Variants in AFF3 observed in about 807,000 individuals in gnomAD.
AFF3 encodes AF4/FMR2 family member 3.
A neutral mutation model predicts 129.7 loss-of-function variants in AFF3; 32 were observed. The ratio of observed to expected loss-of-function variants is 0.25; its 90% CI spans 0.19 to 0.33. The LOEUF (loss-of-function observed/expected upper bound fraction) is 0.33, where lower values mean the gene tolerates loss of function less well. Ranked by LOEUF, AFF3 falls within the 10% of genes least tolerant of loss-of-function variation. The pLI is 1.00. For missense variants in AFF3, 1,373 were observed against 1,592.0 expected, an observed-to-expected ratio of 0.86 and a Z score of 2.34; for synonymous variants, 644 against 635.4, an observed-to-expected ratio of 1.01 and a Z score of -0.20.
At chr2:99,780,129 T>G (rs1174747553) in intron 8 of AFF3, among the ~76,000 whole-genome samples, 4 of 152,118 alleles carry the variant, frequency 2.6e-5, no homozygotes, top group Non-Finnish European at 4.4e-5. Context: ...CCAAACACTC[T>G]CCCTTGACCT....
Position 100,094,209 on chromosome 2 carries a change from A to C in AFF3, c.53+10193T>G, listed in dbSNP as rs553576284. 2.0e-5 allele frequency among the ~76,000 whole-genome samples: 3 copies of C among 152,292 alleles called. No homozygotes were observed. The South Asian group carries it at 6.2e-4, about 32-fold the overall frequency. ...GGAGAGATGGTTTCAGGATGGTTCAAGTGCATTACATTTATTGTAGACTTC... is the reference window on the plus strand; with the variant it reads ...GGAGAGATGGTTTCAGGATGGTTCACGTGCATTACATTTATTGTAGACTTC... On this transcript the variant is annotated intron_variant, in intron 4 of 24. Coordinates refer to ENST00000672756, the MANE Select transcript of AFF3 (RefSeq NM_001386135.1).
chr2:99,875,789 T>C (rs1207349708), intron 7 of AFF3, among the ~76,000 whole-genome samples: 3 of 152,196 alleles, frequency 2.0e-5, no homozygotes, highest in Non-Finnish European at 4.4e-5. Context: ...ACATGCAGCC[T>C]GGCTCAATAT....
chr2:99,769,144 AT>A (rs1683260182), intron 8 of AFF3, among the ~76,000 whole-genome samples: 1 of 151,942 alleles, frequency 6.6e-6, no homozygotes, highest in African/African-American at 2.4e-5. Flanking sequence ...TTTAGAGGCT[AT>A]TTTCTACATC....
chr2:99,610,997 A>T (rs1680865049), intron 13 of AFF3, among the ~76,000 whole-genome samples: 1 of 151,886 alleles, frequency 6.6e-6, no homozygotes, highest in Non-Finnish European at 1.5e-5. Context: ...CAGTCTGTTT[A>T]TTCTCTGTTG....
At chr2:99,836,097 C>T (rs987149172) in intron 8 of AFF3, among the ~76,000 whole-genome samples, 39 of 152,264 alleles carry the variant, frequency 2.6e-4, no homozygotes, top group African/African-American at 8.9e-4. Flanking sequence ...ATAGGAAGGT[C>T]AAAGGATGGA....
At chr2:99,672,225 CACACACAT>C (rs1384197773) in intron 12 of AFF3, among the ~76,000 whole-genome samples, 1,159 of 29,072 alleles carry the variant, frequency 0.04, 25 homozygotes, top group Non-Finnish European at 0.044. Context: ...CACACACACA[CACACACAT>C]GAATAAATAA....
At chr2:99,943,801 G>A (rs1675289833) in intron 7 of AFF3, among the ~76,000 whole-genome samples, 1 of 152,146 alleles carries the variant, frequency 6.6e-6, no homozygotes, top group Admixed American at 6.5e-5. Context: ...GAGCTGATGA[G>A]TTTAGTGGAG....
At chr2:100,057,364 A>G (rs1686889876) in intron 4 of AFF3, among the ~76,000 whole-genome samples, 1 of 150,688 alleles carries the variant, frequency 6.6e-6, no homozygotes, top group Non-Finnish European at 1.5e-5. Flanking sequence ...CACTGGATTC[A>G]TATCCTAGGC....
chr2:99,641,321 T>G (rs2105497604), intron 13 of AFF3, among the ~76,000 whole-genome samples: 2 of 152,322 alleles, frequency 1.3e-5, no homozygotes, highest in South Asian at 4.1e-4. Flanking sequence ...CTTTCCAGAC[T>G]GGGGGTGAAT....
At chr2:99,820,019 T>C (rs1477137950) in intron 8 of AFF3, among the ~76,000 whole-genome samples, 1 of 152,204 alleles carries the variant, frequency 6.6e-6, no homozygotes, top group Non-Finnish European at 1.5e-5. Context: ...AATCCAACAT[T>C]TCGAGATGCA....
At chr2:99,710,047 G>C (rs1434957718) in intron 11 of AFF3, among the ~76,000 whole-genome samples, 1 of 152,176 alleles carries the variant, frequency 6.6e-6, no homozygotes, top group African/African-American at 2.4e-5. Flanking sequence ...ACCTGGGTGA[G>C]CTCTCTCTGC....
chr2:99,814,415 T>C (rs1687051575), intron 8 of AFF3, among the ~76,000 whole-genome samples: 1 of 152,108 alleles, frequency 6.6e-6, no homozygotes, highest in Non-Finnish European at 1.5e-5. Flanking sequence ...CAAAATATAC[T>C]ACTGCATGCA....
intron 17 of AFF3, among the ~76,000 whole-genome samples, chr2:99,580,608 G>A (rs377110403): frequency 3.3e-5 from 5 of 152,156 alleles, no homozygotes; most frequent in East Asian, 1.9e-4. Flanking sequence ...AACCTGCTTC[G>A]CAGAGGCCGG....
chr2:99,888,870 A>G (rs1693325599), intron 7 of AFF3, among the ~76,000 whole-genome samples: 1 of 152,144 alleles, frequency 6.6e-6, no homozygotes, highest in East Asian at 1.9e-4. Flanking sequence ...TCACAGCACC[A>G]TTTTTTATCC....
At chr2:100,033,455 T>C (rs1684674374) in intron 4 of AFF3, among the ~76,000 whole-genome samples, 1 of 152,182 alleles carries the variant, frequency 6.6e-6, no homozygotes, top group Admixed American at 6.5e-5. Flanking sequence ...AACATCTGAG[T>C]TACTTGCAAC....
chr2:99,804,585 G>C (rs1165520168), intron 8 of AFF3, among the ~76,000 whole-genome samples: 2 of 152,122 alleles, frequency 1.3e-5, no homozygotes, highest in Non-Finnish European at 2.9e-5. Flanking sequence ...CCACTACAGG[G>C]TATCTATCCA....
intron 11 of AFF3, among the ~76,000 whole-genome samples, chr2:99,715,532 C>T (rs897199812): frequency 3.9e-5 from 6 of 152,024 alleles, no homozygotes; most frequent in Admixed American, 6.6e-5. Context: ...ACTTATAATG[C>T]GGTCTGAGCT....
intron 2 of AFF3, among the ~76,000 whole-genome samples, chr2:100,125,659 A>G (rs898450934): frequency 9.2e-5 from 14 of 152,098 alleles, no homozygotes; most frequent in African/African-American, 3.4e-4. Context: ...TGTGAAAACT[A>G]TGGAAGAATG....
intron 11 of AFF3, among the ~76,000 whole-genome samples, chr2:99,723,904 G>A (rs546444799): frequency 2.6e-5 from 4 of 152,270 alleles, no homozygotes; most frequent in South Asian, 4.2e-4. Context: ...AGACGATGAC[G>A]TGAGGACACG....
Sources: gnomAD v4.1 joint callset for allele counts (sites outside exome capture counted in the v4.1 genomes callset) on GRCh38, gnomAD v4.1.1 for gene constraint, MANE v1.5 for transcripts, NCBI Gene and HGNC (gene_info 2026-07-23, HGNC 2026-07-21) for gene names.